Variants in SARNP observed in about 807,000 individuals in gnomAD.
The protein encoded by SARNP is SAP domain-containing ribonucleoprotein.
In SARNP, 5 loss-of-function variants were observed where a neutral mutation model predicts 38.1. The observed-to-expected ratio is 0.13, with a 90% CI of 0.07 to 0.28. The LOEUF is 0.28. Among genes scored for constraint, SARNP ranks in the 10% least tolerant of loss-of-function variants. The probability of loss-of-function intolerance (pLI) is 1.00; values close to 1 mark genes in which losing one functional copy is unlikely to be tolerated. For synonymous variants in SARNP, 84 were observed against 80.6 expected (o/e 1.04, Z -0.23); for missense variants, 180 against 243.9 (o/e 0.74, Z 1.75).
chr12:55,790,187 A>T (rs1028486204), intron 8 of SARNP, among the ~76,000 whole-genome samples: 72 of 151,732 alleles, frequency 4.7e-4, no homozygotes, highest in African/African-American at 1.5e-3. Context: ...AAAAAAAAAA[A>T]AGCACTATCT....
At chr12:55,816,359 AT>A (rs948516894) in intron 1 of SARNP, among the ~76,000 whole-genome samples, 57 of 152,178 alleles carry the variant, frequency 3.7e-4, no homozygotes, top group Non-Finnish European at 6.8e-4. Flanking sequence ...TGATTGCTCA[AT>A]TTTTTTTAAC....
chr12:55,766,065 T>C (rs1878820731), intron 9 of SARNP, among the ~76,000 whole-genome samples: 1 of 152,172 alleles, frequency 6.6e-6, no homozygotes, highest in Non-Finnish European at 1.5e-5. Flanking sequence ...ATCAGGCCAA[T>C]GCTCCCTCAG....
At chr12:55,793,589 G>T (rs997009179) in intron 7 of SARNP, 3 of 150,504 alleles carry the variant, frequency 2.0e-5, no homozygotes, top group Non-Finnish European at 4.4e-5. Context: ...TGGTTATGGT[G>T]AACCCTCAGA....
intron 9 of SARNP, among the ~76,000 whole-genome samples, chr12:55,779,846 G>C (rs944436000): frequency 6.6e-6 from 1 of 152,020 alleles, no homozygotes. Flanking sequence ...AAGATTAATA[G>C]CAATAATGAA....
intron 1 of SARNP, among the ~76,000 whole-genome samples, chr12:55,805,985 C>T (rs1272720389): frequency 2.0e-5 from 3 of 151,356 alleles, no homozygotes; most frequent in Non-Finnish European, 4.4e-5. Context: ...TGCAGTGAGC[C>T]GAGATCACAT....
intron 8 of SARNP, among the ~76,000 whole-genome samples, chr12:55,789,949 A>G (rs1490757355): frequency 1.3e-5 from 2 of 151,166 alleles, no homozygotes; most frequent in Admixed American, 1.3e-4. Flanking sequence ...GTCTCAAAAA[A>G]AAAAAAAAAA....
At chr12:55,788,640 T>C (rs561975416) in intron 9 of SARNP, among the ~76,000 whole-genome samples, 1 of 151,898 alleles carries the variant, frequency 6.6e-6, no homozygotes, top group East Asian at 1.9e-4. Flanking sequence ...CTACCAAAAA[T>C]TGAAAAAAAT....
rs1431172184 is a variant in SARNP, at chr12:55,790,691, A to G, written c.407-99T>C. 4.2e-6 allele frequency: 5 copies of G among 1,185,650 alleles called. No homozygotes were observed. The East Asian group carries it at 1.2e-4, about 29-fold the overall frequency. 73.4% of individuals were successfully genotyped at this position (1,185,650 alleles called of 1,614,324 possible). A position where few individuals can be genotyped will look rare whatever the true frequency, so the allele number is the denominator to read the frequency against. ...GCAACATAAAAACATCCTTTATCCT[A>G]TGATGACAAAGAAAAGGCAGAAATT... On this transcript the variant is annotated intron_variant, in intron 7 of 10. Transcript: ENST00000336133.
intron 9 of SARNP, among the ~76,000 whole-genome samples, chr12:55,782,980 G>A (rs1396425272): frequency 1.3e-5 from 2 of 151,934 alleles, no homozygotes; most frequent in Non-Finnish European, 2.9e-5. Context: ...GTGTGGTGGC[G>A]CACGCCTGTA....
intron 4 of SARNP, among the ~76,000 whole-genome samples, chr12:55,799,478 A>G (rs1353437725): frequency 1.3e-5 from 2 of 151,934 alleles, no homozygotes; most frequent in African/African-American, 4.8e-5. Context: ...AAAGCAAGAG[A>G]GAACAGAGTG....
At chr12:55,814,087 C>A (rs1592586211) in intron 1 of SARNP, among the ~76,000 whole-genome samples, 1 of 152,090 alleles carries the variant, frequency 6.6e-6, no homozygotes, top group African/African-American at 2.4e-5. Context: ...TAAAATAAGG[C>A]CACAGTAGTT....
chr12:55,799,797 C>T (rs1879926714), intron 4 of SARNP, among the ~76,000 whole-genome samples: 1 of 151,304 alleles, frequency 6.6e-6, no homozygotes, highest in Admixed American at 6.6e-5. Context: ...CGTAATCCAC[C>T]CACCTCGGCC....
chr12:55,770,172 T>C (rs1462594691), intron 9 of SARNP, among the ~76,000 whole-genome samples: 1 of 151,918 alleles, frequency 6.6e-6, no homozygotes, highest in African/African-American at 2.4e-5. Context: ...TTTAAAATAC[T>C]CAATGTCCTC....
chr12:55,766,425 A>T (rs1021149954), intron 9 of SARNP, among the ~76,000 whole-genome samples: 1 of 152,106 alleles, frequency 6.6e-6, no homozygotes, highest in Non-Finnish European at 1.5e-5. Context: ...CCATCTCAAG[A>T]TTTAAAACAC....
intron 1 of SARNP, among the ~76,000 whole-genome samples, chr12:55,810,824 C>A (rs1592584150): frequency 6.6e-6 from 1 of 151,484 alleles, no homozygotes; most frequent in Non-Finnish European, 1.5e-5. Flanking sequence ...CGCCTGTAAT[C>A]CCAACACTTT....
At chr12:55,788,538 T>A (rs1401011507) in intron 9 of SARNP, among the ~76,000 whole-genome samples, 2 of 152,202 alleles carry the variant, frequency 1.3e-5, no homozygotes, top group Admixed American at 1.3e-4. Context: ...GGCTCACGCC[T>A]GTAATCCCAG....
intron 9 of SARNP, among the ~76,000 whole-genome samples, chr12:55,774,558 T>TAAAAAAAAAAAAAAAAAAAAAAAAAAAAA (rs1565673497): frequency 1.2e-4 from 5 of 40,522 alleles, no homozygotes; most frequent in African/African-American, 2.2e-4. Flanking sequence ...CCGTCTCTAC[T>TAAAAAAAAAAAAAAAAAAAAAAAAAAAAA]GAAAAAAAAA....
chr12:55,782,792 A>G (rs1879377535), intron 9 of SARNP, among the ~76,000 whole-genome samples: 1 of 152,150 alleles, frequency 6.6e-6, no homozygotes, highest in Non-Finnish European at 1.5e-5. Flanking sequence ...GGGTCTCACT[A>G]TGTTGCCCAG....
At chr12:55,786,914 C>T (rs1384979352) in intron 9 of SARNP, among the ~76,000 whole-genome samples, 1 of 152,146 alleles carries the variant, frequency 6.6e-6, no homozygotes, top group Non-Finnish European at 1.5e-5. Flanking sequence ...GGACCTGATG[C>T]TGTATTTCTA....
Sources: allele counts gnomAD v4.1 joint callset (sites outside exome capture counted in the v4.1 genomes callset), GRCh38; gene constraint gnomAD v4.1.1; transcripts MANE v1.5; gene names NCBI Gene and HGNC (gene_info 2026-07-23, HGNC 2026-07-21).